CHRM2: variants seen among roughly 807,000 people sequenced by gnomAD.
CHRM2 encodes muscarinic acetylcholine receptor M2.
Under a neutral mutation model 25.0 loss-of-function variants are expected in CHRM2, and 8 were observed. The observed-to-expected ratio is 0.32, with a 90% CI of 0.19 to 0.58. The LOEUF (loss-of-function observed/expected upper bound fraction) is 0.58, where lower values mean the gene tolerates loss of function less well. Ranked by LOEUF, CHRM2 falls within the 20% of genes least tolerant of loss-of-function variation. The pLI is 0.88. For synonymous variants in CHRM2, 202 were observed against 205.7 expected (o/e 0.98, Z 0.15); for missense variants, 440 against 567.1 (o/e 0.78, Z 2.28).
chr7:137,018,358 A>G lies in CHRM2; in HGVS notation c.*2092A>G, dbSNP rs1330717394. The G allele has an allele frequency of 6.6e-6, 1 of 151,904 alleles. No individual in the cohort carries two copies. Among genetic ancestry groups the G allele is most frequent in the Non-Finnish European group, 1.5e-5 (1 of 67,912 alleles). The allele number at this position is 151,904 out of a possible 1,614,324, so 9.4% of individuals were successfully genotyped here. ...CCATATTTAAAGCATTCATTTATAG[A>G]GATTCCCTTACCTACAGTTACTTCA... On this transcript the variant is annotated 3_prime_UTR_variant, in exon 4 of 4. Transcript: ENST00000680005.
intron 2 of CHRM2, among the ~76,000 whole-genome samples, chr7:136,958,518 C>T (rs1197254896): frequency 3.7e-5 from 5 of 135,880 alleles, no homozygotes; most frequent in East Asian, 4.4e-4. Context: ...TGCAGTGGGG[C>T]GATTACAGCT....
At chr7:137,003,000 A>AG (rs1804152024) in intron 3 of CHRM2, among the ~76,000 whole-genome samples, 1 of 152,160 alleles carries the variant, frequency 6.6e-6, no homozygotes, top group South Asian at 2.1e-4. Flanking sequence ...AGATGTGGAA[A>AG]GGGGGTCAAC....
chr7:136,994,537 T>C (rs1316571958), intron 3 of CHRM2, among the ~76,000 whole-genome samples: 1 of 144,622 alleles, frequency 6.9e-6, no homozygotes, highest in African/African-American at 2.5e-5. Context: ...TTTTTTTTTT[T>C]TTTTTTTTTT....
At chr7:136,877,402 AT>A (rs1460549336) in intron 2 of CHRM2, among the ~76,000 whole-genome samples, 2 of 151,900 alleles carry the variant, frequency 1.3e-5, no homozygotes, top group Non-Finnish European at 2.9e-5. Flanking sequence ...TAAGTACTTG[AT>A]TTCTTTTCTA....
In CHRM2 at chr7:136,951,726, C is replaced by G. The variant is rs1368012481; in HGVS notation, c.-124-40461C>G. ...TATTCATTCTTTCATTGGCTCCTTC[C>G]CACCCTCCACATTCGTCACTGTAAG... On this transcript the variant is annotated intron_variant, in intron 2 of 3. Transcript: ENST00000680005. Among the ~76,000 whole-genome samples, 3 of 152,110 alleles carry G rather than the reference C, an allele frequency of 2.0e-5. No individual in the cohort carries two copies. The East Asian group carries it at 5.8e-4, about 29-fold the overall frequency.
chr7:136,927,503 C>A (rs1322838468), intron 2 of CHRM2, among the ~76,000 whole-genome samples: 1 of 151,736 alleles, frequency 6.6e-6, no homozygotes, highest in Admixed American at 6.6e-5. Flanking sequence ...GTTGACTAGA[C>A]CCTAGATAAT....
chr7:137,009,153 T>G (rs540824123), intron 3 of CHRM2, among the ~76,000 whole-genome samples: 1 of 152,152 alleles, frequency 6.6e-6, no homozygotes, highest in Non-Finnish European at 1.5e-5. Context: ...TCATCATACA[T>G]CAGGCATCCT....
chr7:137,005,283 G>A (rs903765331), intron 3 of CHRM2, among the ~76,000 whole-genome samples: 4 of 152,092 alleles, frequency 2.6e-5, no homozygotes, highest in African/African-American at 4.8e-5. Flanking sequence ...AATGAAAAGA[G>A]CAACTTTCTC....
intron 3 of CHRM2, among the ~76,000 whole-genome samples, chr7:137,005,725 ACTG>A: frequency 6.6e-6 from 1 of 152,114 alleles, no homozygotes; most frequent in East Asian, 1.9e-4. Context: ...CTCTAGAACA[ACTG>A]CTTTTATTCT....
intron 2 of CHRM2, among the ~76,000 whole-genome samples, chr7:136,982,403 C>T (rs904144697): frequency 6.6e-6 from 1 of 152,090 alleles, no homozygotes; most frequent in Admixed American, 6.5e-5. Flanking sequence ...ATCCAATTTG[C>T]CAGTCTGTGC....
At chr7:136,888,830 A>G (rs1796574548) in intron 2 of CHRM2, among the ~76,000 whole-genome samples, 3 of 152,066 alleles carry the variant, frequency 2.0e-5, no homozygotes, top group Admixed American at 6.6e-5. Context: ...GCGGATCACG[A>G]AGTCAGGAGA....
At chr7:136,918,925 T>C (rs1045651671) in intron 2 of CHRM2, among the ~76,000 whole-genome samples, 1 of 152,152 alleles carries the variant, frequency 6.6e-6, no homozygotes, top group African/African-American at 2.4e-5. Flanking sequence ...GAAAGGTTTC[T>C]TAACAAAGTG....
chr7:136,954,770 C>CCA (rs1800622539), intron 2 of CHRM2, among the ~76,000 whole-genome samples: 4 of 151,696 alleles, frequency 2.6e-5, no homozygotes, highest in Non-Finnish European at 4.4e-5. Context: ...CTTCCATCCT[C>CCA]GTAGCTGCCA....
Position 136,941,228 on chromosome 7 carries a change from G to T in CHRM2, c.-124-50959G>T, listed in dbSNP as rs568450818. ...CTCTTCAGTGCTTCTTCCATGGTAT[G>T]CAGGACAAAGTCCAGATACCTTAAC... On this transcript the variant is annotated intron_variant, in intron 2 of 3. Transcript: ENST00000680005. 3.3e-5 allele frequency among the ~76,000 whole-genome samples: 5 copies of T among 152,238 alleles called. No individual in the cohort carries two copies. In the East Asian group the frequency reaches 9.6e-4, roughly 29 times the overall value.
intron 2 of CHRM2, among the ~76,000 whole-genome samples, chr7:136,934,807 C>T (rs1799317750): frequency 6.7e-6 from 1 of 149,680 alleles, no homozygotes; most frequent in African/African-American, 2.5e-5. Flanking sequence ...GCTTGCTAAA[C>T]AAAAGATTAA....
chr7:136,906,566 A>G (rs567698406), intron 2 of CHRM2, among the ~76,000 whole-genome samples: 9 of 151,954 alleles, frequency 5.9e-5, no homozygotes, highest in African/African-American at 2.2e-4. Flanking sequence ...AGTGATTTAT[A>G]TGAGTCCTTA....
rs554827534 is a variant in CHRM2 at position 136,967,047 on chromosome 7, C to T, written c.-124-25140C>T. On this transcript the variant is annotated intron_variant, in intron 2 of 3. Transcript: ENST00000680005. ...TGATGATCTAGGAACAATAATGATT[C>T]ACAAGAAAAAAATTCAATGCAAACC... Among the ~76,000 whole-genome samples, 4 of 151,930 alleles carry T rather than the reference C, an allele frequency of 2.6e-5. No individual in the cohort carries two copies. The South Asian group carries it at 8.3e-4, about 32-fold the overall frequency.
intron 2 of CHRM2, among the ~76,000 whole-genome samples, chr7:136,951,729 C>T (rs893612422): frequency 6.6e-6 from 1 of 152,140 alleles, no homozygotes; most frequent in Non-Finnish European, 1.5e-5. Context: ...CTCCTTCCCA[C>T]CCTCCACATT....
intron 2 of CHRM2, chr7:136,899,501 G>A (rs1219887725): frequency 6.6e-6 from 1 of 151,996 alleles, no homozygotes; most frequent in African/African-American, 2.4e-5. Flanking sequence ...ATTTTCTAAG[G>A]TATGTCACAA....
Sources: gnomAD v4.1 joint callset for allele counts (sites outside exome capture counted in the v4.1 genomes callset) on GRCh38, gnomAD v4.1.1 for gene constraint, MANE v1.5 for transcripts, NCBI Gene and HGNC (gene_info 2026-07-23, HGNC 2026-07-21) for gene names.